The following NKD1 variants were observed in gnomAD, a reference collection of about 807,000 sequenced individuals.
NKD1 encodes protein naked cuticle homolog 1.
NKD1 carries 21 observed loss-of-function variants against 56.0 expected under a neutral mutation model. That is an observed-to-expected ratio of 0.38 (90% confidence interval 0.27 to 0.54). The LOEUF (loss-of-function observed/expected upper bound fraction) is 0.54, where lower values mean the gene tolerates loss of function less well. NKD1 is among the 20% of genes least tolerant of loss of function. The pLI, the probability that NKD1 is intolerant of heterozygous loss-of-function variation, is 0.82. For synonymous variants in NKD1, 263 were observed against 265.7 expected (o/e 0.99, Z 0.10); for missense variants, 578 against 642.7 (o/e 0.90, Z 1.09).
At position 50,640,276 on chromosome 16, in the gene NKD1, A is replaced by T. The variant is rs1232414745; in HGVS notation, c.*6495A>T. On this transcript the variant is annotated 3_prime_UTR_variant, in exon 10 of 10. Transcript: ENST00000268459. Reference sequence around the variant, plus strand: ...TTCAGGGGCCCTAAGCACTGAAAACATCATTCCTCATCCCCAAGCCCTGGC... The same window carrying T: ...TTCAGGGGCCCTAAGCACTGAAAACTTCATTCCTCATCCCCAAGCCCTGGC... 2 of 152,264 alleles carry T rather than the reference A, an allele frequency of 1.3e-5. No individual in the cohort carries two copies. The highest frequency in any genetic ancestry group is 1.5e-5 in the Non-Finnish European group (1 of 68,078). 9.4% of individuals were successfully genotyped at this position (152,264 alleles called of 1,614,324 possible).
intron 3 of NKD1, among the ~76,000 whole-genome samples, chr16:50,590,313 T>A (rs1277240544): frequency 2.0e-5 from 3 of 152,236 alleles, no homozygotes; most frequent in Non-Finnish European, 4.4e-5. Context: ...CAGATCCTCA[T>A]GTAAGTCTGG....
At position 50,549,420 on chromosome 16, in the gene NKD1, A is replaced by G; in HGVS notation, c.59-2A>G. The stretch of plus-strand genomic sequence containing the variant: ...AGGGGCTTCATGTCGTCCCCGTCCC[A>G]GGTGACAGCTTCGCCGTGAGCGCTG... On this transcript the variant is annotated splice_acceptor_variant, in intron 2 of 9. Transcript: ENST00000268459. LOFTEE classifies it high-confidence loss of function. 1.2e-6 allele frequency: 2 copies of G among 1,610,550 alleles called. No individual in the cohort carries two copies. Among genetic ancestry groups the G allele is most frequent in the Non-Finnish European group, 1.7e-6 (2 of 1,178,518 alleles).
chr16:50,608,225 C>T (rs1961758228), intron 3 of NKD1, 69 bp from the exon 4 acceptor site: 4 of 1,070,308 alleles, frequency 3.7e-6, no homozygotes, highest in East Asian at 2.4e-5. Context: ...CCTCATGGCA[C>T]TGCTTTTAAC....
At chr16:50,603,486 T>C (rs1961643011) in intron 3 of NKD1, among the ~76,000 whole-genome samples, 1 of 152,226 alleles carries the variant, frequency 6.6e-6, no homozygotes, top group African/African-American at 2.4e-5. Flanking sequence ...GCCCCCCTCC[T>C]CTTTCCCCGG....
At chr16:50,576,573 G>A (rs935941148) in intron 3 of NKD1, among the ~76,000 whole-genome samples, 3 of 152,100 alleles carry the variant, frequency 2.0e-5, no homozygotes, top group African/African-American at 7.2e-5. Flanking sequence ...TCCTGAAAAT[G>A]CACCAGAATT....
intron 3 of NKD1, among the ~76,000 whole-genome samples, chr16:50,561,263 C>T (rs568069446): frequency 1.1e-4 from 16 of 152,032 alleles, no homozygotes; most frequent in South Asian, 2.1e-4. Context: ...CACAATGCTG[C>T]GCTGGGAACC....
At chr16:50,604,053 C>G (rs1033677522) in intron 3 of NKD1, among the ~76,000 whole-genome samples, 4 of 152,220 alleles carry the variant, frequency 2.6e-5, no homozygotes, top group Non-Finnish European at 4.4e-5. Context: ...GGCTAAGGCC[C>G]ACTGTCCTGG....
In NKD1 at chr16:50,643,812, C is replaced by A. The variant is rs146429184; in HGVS notation, c.*10031C>A. The A allele has an allele frequency of 1.0e-3, 158 of 152,334 alleles. 1 individual carries two copies. Among genetic ancestry groups the A allele is most frequent in the African/African-American group, 3.6e-3 (149 of 41,560 alleles). 9.4% of individuals were successfully genotyped at this position (152,334 alleles called of 1,614,324 possible). On this transcript the variant is annotated 3_prime_UTR_variant, in exon 10 of 10. Transcript: ENST00000268459. ...CTTGATTCGTTAACATTGAACTCAG[C>A]CAACAGCTCTATAACTCATGACTGA...
At chr16:50,548,612 C>T in intron 1 of NKD1, 34 bp downstream of exon 1, 1 of 1,447,784 alleles carries the variant, frequency 6.9e-7, no homozygotes, top group Non-Finnish European at 9.0e-7. Context: ...CGCCCCGGGC[C>T]CCGCCGCCGT....
intron 3 of NKD1, among the ~76,000 whole-genome samples, chr16:50,597,526 G>A (rs1961499711): frequency 2.0e-5 from 3 of 152,216 alleles, no homozygotes; most frequent in African/African-American, 7.2e-5. Flanking sequence ...CAGAAAATCA[G>A]ACAGCTGAAG....
At chr16:50,548,684 C>A in intron 1 of NKD1, 33 bp from the exon 2 acceptor site, 1 of 1,436,580 alleles carries the variant, frequency 7.0e-7, no homozygotes, top group Non-Finnish European at 9.1e-7. Context: ...CCGCGGCTGC[C>A]GCCGCCGCCG....
intron 3 of NKD1, among the ~76,000 whole-genome samples, chr16:50,554,379 C>T (rs1223955951): frequency 3.9e-5 from 6 of 151,924 alleles, no homozygotes; most frequent in African/African-American, 9.7e-5. Context: ...ACTGTCCCCG[C>T]GAGGGCAGGA....
chr16:50,550,498 T>A (rs2151260942), intron 3 of NKD1, among the ~76,000 whole-genome samples: 1 of 152,230 alleles, frequency 6.6e-6, no homozygotes, highest in Non-Finnish European at 1.5e-5. Context: ...GGCAGCTCGC[T>A]TGCAGTGCTG....
intron 3 of NKD1, among the ~76,000 whole-genome samples, chr16:50,550,992 T>G (rs1960371816): frequency 2.0e-5 from 3 of 152,158 alleles, no homozygotes; most frequent in Non-Finnish European, 4.4e-5. Flanking sequence ...GCCAGGCAGC[T>G]TGCTCCATGC....
At chr16:50,548,978 C>A (rs962256318) in intron 2 of NKD1, 12 of 960,904 alleles carry the variant, frequency 1.2e-5, no homozygotes, top group African/African-American at 1.1e-4. Context: ...ACCCCTCCCC[C>A]TCCCGCGTCC....
chr16:50,610,485 A>G (rs1242514080), intron 4 of NKD1, among the ~76,000 whole-genome samples: 2 of 152,182 alleles, frequency 1.3e-5, no homozygotes, highest in African/African-American at 4.8e-5. Flanking sequence ...TGGTGAGAGC[A>G]GGTGCTACTG....
chr16:50,579,854 A>G (rs1445740722), intron 3 of NKD1, among the ~76,000 whole-genome samples: 1 of 151,976 alleles, frequency 6.6e-6, no homozygotes, highest in African/African-American at 2.4e-5. Flanking sequence ...CCTGCCATGC[A>G]TGCACTCTCT....
At chr16:50,566,796 G>A (rs969209412) in intron 3 of NKD1, among the ~76,000 whole-genome samples, 1 of 152,182 alleles carries the variant, frequency 6.6e-6, no homozygotes, top group African/African-American at 2.4e-5. Flanking sequence ...CAGCCCACCT[G>A]GGTTACAGCC....
chr16:50,606,767 G>T (rs1007274957), intron 3 of NKD1: 2 of 456,320 alleles, frequency 4.4e-6, no homozygotes, highest in Non-Finnish European at 4.4e-6. Flanking sequence ...GCATGAAGAG[G>T]TGCGCAGATT....
Sources: gnomAD v4.1 joint callset for allele counts (sites outside exome capture counted in the v4.1 genomes callset) on GRCh38, gnomAD v4.1.1 for gene constraint, MANE v1.5 for transcripts, NCBI Gene and HGNC (gene_info 2026-07-23, HGNC 2026-07-21) for gene names.